Variants in ZNF136 observed in about 807,000 individuals in gnomAD.
ZNF136 encodes the protein zinc finger protein 136 (clone pHZ-20).
Under a neutral mutation model 11.4 loss-of-function variants are expected in ZNF136, and 8 were observed. The ratio of observed to expected loss-of-function variants is 0.70; its 90% CI spans 0.41 to 1.27. The LOEUF (loss-of-function observed/expected upper bound fraction) is 1.27, where lower values mean the gene tolerates loss of function less well. Among genes scored for constraint, ZNF136 ranks in the 50% most tolerant of loss-of-function variants. The pLI, the probability that ZNF136 is intolerant of heterozygous loss-of-function variation, is 0.01. For missense variants in ZNF136, 590 were observed against 656.5 expected (o/e 0.90, Z 1.11); for synonymous variants, 190 against 207.1 (o/e 0.92, Z 0.71).
At chr19:12,173,718 A>G (rs537378195) in intron 1 of ZNF136, among the ~76,000 whole-genome samples, 1 of 152,202 alleles carries the variant, frequency 6.6e-6, no homozygotes, top group Non-Finnish European at 1.5e-5. Context: ...GGGACCCTCA[A>G]TTTGAAGCCT....
chr19:12,188,218 C>A lies in ZNF136; in HGVS notation c.*217C>A. On this transcript the variant is annotated 3_prime_UTR_variant, in exon 4 of 4. Coordinates refer to ENST00000343979, the MANE Select transcript of ZNF136 (RefSeq NM_003437.5). ...AGAACTCATCATGGAGAAAACCAAA[C>A]AAATGCTTTTTGGAAAGGAACCCAT... 1 of 413,882 alleles carries A rather than the reference C, an allele frequency of 2.4e-6. No individual in the cohort carries two copies. Among genetic ancestry groups the A allele is most frequent in the East Asian group, 3.6e-5 (1 of 27,450 alleles). 25.6% of individuals were successfully genotyped at this position (413,882 alleles called of 1,614,324 possible). A position where few individuals can be genotyped will look rare whatever the true frequency, so the allele number is the denominator to read the frequency against.
chr19:12,175,854 GA>G (rs1295829958), intron 1 of ZNF136, among the ~76,000 whole-genome samples: 2 of 152,128 alleles, frequency 1.3e-5, no homozygotes, highest in African/African-American at 4.8e-5. Context: ...ACTGTTCTAT[GA>G]TTATGTCTTT....
chr19:12,165,789 T>C (rs1321841298), intron 1 of ZNF136, among the ~76,000 whole-genome samples: 1 of 152,216 alleles, frequency 6.6e-6, no homozygotes, highest in Non-Finnish European at 1.5e-5. Context: ...TTCTTTTGTG[T>C]ATTTATGGAG....
intron 1 of ZNF136, among the ~76,000 whole-genome samples, chr19:12,184,247 C>CAG (rs1568403351): frequency 1.4e-5 from 2 of 142,910 alleles, no homozygotes; most frequent in African/African-American, 2.6e-5. Flanking sequence ...GCCTGGGCGA[C>CAG]AGAGCAAGAC....
intron 1 of ZNF136, among the ~76,000 whole-genome samples, chr19:12,167,974 C>T (rs573073339): frequency 2.7e-5 from 4 of 150,798 alleles, no homozygotes; most frequent in Admixed American, 2.0e-4. Flanking sequence ...GCAAAGATAC[C>T]TTTTCCATTA....
chr19:12,175,971 TA>T (rs1269987274), intron 1 of ZNF136, among the ~76,000 whole-genome samples: 1 of 152,208 alleles, frequency 6.6e-6, no homozygotes, highest in East Asian at 1.9e-4. Context: ...AAATTTTTTT[TA>T]AAAAGTAATA....
At chr19:12,176,428 G>A (rs1914795493) in intron 1 of ZNF136, among the ~76,000 whole-genome samples, 1 of 151,976 alleles carries the variant, frequency 6.6e-6, no homozygotes, top group Admixed American at 6.6e-5. Flanking sequence ...CTTGATTCAA[G>A]CGATTCTCCT....
chr19:12,181,026 T>A (rs1376891833), intron 1 of ZNF136, among the ~76,000 whole-genome samples: 4 of 152,236 alleles, frequency 2.6e-5, no homozygotes, highest in African/African-American at 4.8e-5. Context: ...GAGCCCTGTC[T>A]GCCCCCAACC....
chr19:12,187,557 A>T lies in ZNF136; in HGVS notation c.1179A>T (p.Lys393Asn). Reference sequence around the variant, plus strand: ...AACATACTGGAGAAGGACCTTATAAATGTAAGGTATGTGGGAAACCCTTTC... The same window carrying T: ...AACATACTGGAGAAGGACCTTATAATTGTAAGGTATGTGGGAAACCCTTTC... ...MIKHTGEGPY[K>N]CKVCGKPFHS... Residue 393 changes from lysine (K) to asparagine (N), a missense_variant, in exon 4 of 4, where the codon AAA becomes AAT. Lys to Asn is a moderately conservative substitution (Grantham distance 94). Coordinates refer to ENST00000343979, the MANE Select transcript of ZNF136 (RefSeq NM_003437.5). The T allele has an allele frequency of 1.9e-6, 3 of 1,614,008 alleles. No homozygotes were observed. The highest frequency in any genetic ancestry group is 2.5e-6 in the Non-Finnish European group (3 of 1,179,972).
chr19:12,184,674 G>A (rs908252060), intron 1 of ZNF136: 1 of 151,980 alleles, frequency 6.6e-6, no homozygotes, highest in African/African-American at 2.4e-5. Flanking sequence ...AATAACAGAA[G>A]ATGGGCTTAA....
At chr19:12,180,908 A>C (rs1227682748) in intron 1 of ZNF136, among the ~76,000 whole-genome samples, 1 of 152,192 alleles carries the variant, frequency 6.6e-6, no homozygotes, top group East Asian at 1.9e-4. Flanking sequence ...CCCTGTTGAA[A>C]CATCTTAAGT....
intron 1 of ZNF136, among the ~76,000 whole-genome samples, chr19:12,170,572 G>A (rs1438252377): frequency 6.6e-6 from 1 of 151,788 alleles, no homozygotes; most frequent in African/African-American, 2.4e-5. Flanking sequence ...TTTTTTTATA[G>A]AGATGGGGTC....
rs117575542 is a variant in ZNF136 at position 12,183,069 on chromosome 19, T to C, written c.4-2716T>C. On this transcript the variant is annotated intron_variant, in intron 1 of 3. Transcript: ENST00000343979. ...ATTTGTTAAAAATTTGTATTTAATT[T>C]TTCCCCCCAGAACATATATGCAGTA... is the stretch of plus-strand genomic sequence containing the variant. Among the ~76,000 whole-genome samples, 16 of 152,310 alleles carry C rather than the reference T, an allele frequency of 1.1e-4. No individual in the cohort carries two copies. In the East Asian group the frequency reaches 3.1e-3, roughly 29 times the overall value.
rs766595744 is a variant in ZNF136, at chr19:12,187,402, G to T, written c.1024G>T (p.Gly342Cys). 5.0e-6 allele frequency: 8 copies of T among 1,613,908 alleles called. No individual in the cohort carries two copies. The highest frequency in any genetic ancestry group is 1.7e-5 in the Admixed American group (1 of 60,006). ...GAAACCCTTCGTATGTAAACAATGT[G>T]GTAAAGCCTTTAGATCTGCCAGTAC... is the stretch of plus-strand genomic sequence containing the variant. ...GEKPFVCKQC[G>C]KAFRSASTFQ... The change falls in exon 4 of 4, where the codon GGT (glycine) becomes TGT (cysteine). Residue 342 changes from glycine to cysteine, a missense_variant. Physicochemically the swap from Gly to Cys is radical, Grantham distance 159. Transcript: ENST00000343979.
In ZNF136 at chr19:12,187,070, A is replaced by G. The variant is rs758602317; in HGVS notation, c.692A>G (p.Lys231Arg). ...EKPYECQECGKAFTCITSVRR... is the reference protein window; with the variant it reads ...EKPYECQECGRAFTCITSVRR... ...CCCTATGAATGTCAGGAATGTGGAA[A>G]AGCCTTCACTTGTATCACAAGTGTT... is the stretch of plus-strand genomic sequence containing the variant. The change falls in exon 4 of 4, where the codon AAA becomes AGA. Residue 231 changes from lysine (K) to arginine (R), a missense_variant. By Grantham distance (26) the Lys-to-Arg change is conservative. Transcript: ENST00000343979. The G allele has an allele frequency of 2.5e-6, 4 of 1,614,020 alleles. No individual in the cohort carries two copies. In the South Asian group the frequency reaches 3.3e-5, roughly 13 times the overall value.
chr19:12,177,426 T>C (rs1214811709), intron 1 of ZNF136, among the ~76,000 whole-genome samples: 1 of 152,194 alleles, frequency 6.6e-6, no homozygotes, highest in East Asian at 1.9e-4. Flanking sequence ...CACTACAACC[T>C]CTACCTCCCG....
chr19:12,166,049 G>A (rs1021244747), intron 1 of ZNF136, among the ~76,000 whole-genome samples: 2 of 152,082 alleles, frequency 1.3e-5, no homozygotes, highest in East Asian at 3.9e-4. Context: ...CCAACCTGGT[G>A]AAAACTCGTC....
At chr19:12,173,799 G>C (rs779130004) in intron 1 of ZNF136, among the ~76,000 whole-genome samples, 1 of 152,176 alleles carries the variant, frequency 6.6e-6, no homozygotes, top group Non-Finnish European at 1.5e-5. Flanking sequence ...TCGTAGGACT[G>C]AGCCCTCAAC....
At chr19:12,170,768 C>G (rs1914634780) in intron 1 of ZNF136, among the ~76,000 whole-genome samples, 1 of 151,648 alleles carries the variant, frequency 6.6e-6, no homozygotes. Flanking sequence ...CTCCTGGGTT[C>G]AAGTGATTCT....
Sources: gnomAD v4.1 joint callset for allele counts (sites outside exome capture counted in the v4.1 genomes callset) on GRCh38, gnomAD v4.1.1 for gene constraint, MANE v1.5 for transcripts, NCBI Gene and HGNC (gene_info 2026-07-23, HGNC 2026-07-21) for gene names.